Variants in PLAC8 observed in about 807,000 individuals in gnomAD.
The protein encoded by PLAC8 is placenta-specific gene 8 protein.
In PLAC8, 6 loss-of-function variants were observed where a neutral mutation model predicts 12.6. The ratio of observed to expected loss-of-function variants is 0.48; its 90% CI spans 0.26 to 0.94. The LOEUF (loss-of-function observed/expected upper bound fraction) is 0.94, where lower values mean the gene tolerates loss of function less well. Ranked by LOEUF, PLAC8 falls within the 40% of genes least tolerant of loss-of-function variation. PLAC8 has a pLI of 0.14. For missense variants in PLAC8, 122 were observed against 152.7 expected (o/e 0.80, Z 1.06); for synonymous variants, 54 against 52.6 (o/e 1.03, Z -0.11).
At chr4:83,100,320 T>G (rs544134190) in intron 3 of PLAC8, among the ~76,000 whole-genome samples, 1 of 151,842 alleles carries the variant, frequency 6.6e-6, no homozygotes, top group East Asian at 1.9e-4. Flanking sequence ...CTGTCTCCCT[T>G]CCTCCTGCTC....
At chr4:83,106,825 C>T (rs140911636) in intron 2 of PLAC8, among the ~76,000 whole-genome samples, 9 of 152,306 alleles carry the variant, frequency 5.9e-5, no homozygotes, top group East Asian at 5.8e-4. Flanking sequence ...CTCGCTGCAA[C>T]GCCCATCACA....
At position 83,105,010 on chromosome 4, in the gene PLAC8, G is replaced by T; in HGVS notation, c.129C>A (p.Gly43=). ...CFSDCGVCLC[G]TFCFPCLGCQ... is the part of the protein sequence containing the mutation. ...ACCCAAGGCACGGGAAACAAAATGT[G>T]CCACAGAGACCTAGACACATGAAAC... The change falls in exon 3 of 5, where the codon GGC becomes GGA. Residue 43 remains glycine (G), a synonymous_variant. Coordinates refer to ENST00000311507, the MANE Select transcript of PLAC8 (RefSeq NM_016619.3). 1 of 1,614,046 alleles carries T rather than the reference G, an allele frequency of 6.2e-7. No homozygotes were observed. The highest frequency in any genetic ancestry group is 1.3e-5 in the African/African-American group (1 of 75,008).
rs375440380 is a variant in PLAC8, at chr4:83,107,828, C to G, written c.94G>C (p.Asp32His). 6.8e-6 allele frequency: 11 copies of G among 1,607,758 alleles called. No individual in the cohort carries two copies. The highest frequency in any genetic ancestry group is 2.2e-5 in the South Asian group (2 of 90,820). ...QNSNWQTGMC[D>H]CFSDCGVCLC... ...CAGACTCCGCAGTCGCTGAAACAGT[C>G]ACACATGCCTGTCTGCCAGTTGGAG... Residue 32 changes from aspartate to histidine, a missense_variant, in exon 2 of 5, where the codon GAC becomes CAC. By Grantham distance (81) the Asp-to-His change is moderately conservative. Coordinates refer to ENST00000311507, the MANE Select transcript of PLAC8 (RefSeq NM_016619.3).
intron 1 of PLAC8, among the ~76,000 whole-genome samples, chr4:83,112,553 C>A (rs972573556): frequency 6.6e-6 from 1 of 152,136 alleles, no homozygotes. Flanking sequence ...CTTATCCCTG[C>A]GTAGAAGAGT....
At chr4:83,110,623 G>C (rs1328508544) in intron 1 of PLAC8, among the ~76,000 whole-genome samples, 1 of 152,338 alleles carries the variant, frequency 6.6e-6, no homozygotes, top group Admixed American at 6.5e-5. Context: ...GAGGCCATGC[G>C]TGATGCAGGC....
At chr4:83,093,237 C>T (rs1334588713) in intron 4 of PLAC8, 1 of 152,338 alleles carries the variant, frequency 6.6e-6, no homozygotes, top group Non-Finnish European at 1.5e-5. Flanking sequence ...CTGCCCTCTG[C>T]CTTTCTGGTG....
chr4:83,100,514 T>G (rs1221464707), intron 3 of PLAC8, among the ~76,000 whole-genome samples: 1 of 63,686 alleles, frequency 1.6e-5, no homozygotes, highest in Non-Finnish European at 3.2e-5. Context: ...CGAGAACCTT[T>G]TCTTTATAAG....
chr4:83,097,162 A>G (rs577186095), intron 3 of PLAC8, among the ~76,000 whole-genome samples: 1 of 152,212 alleles, frequency 6.6e-6, no homozygotes, highest in African/African-American at 2.4e-5. Context: ...CGGTCATCCA[A>G]TTAAGAAATT....
At chr4:83,114,082 T>G (rs1007752668) in intron 1 of PLAC8, among the ~76,000 whole-genome samples, 1 of 151,918 alleles carries the variant, frequency 6.6e-6, no homozygotes, top group African/African-American at 2.4e-5. Flanking sequence ...ATTTTTTTGC[T>G]TTGATTGAAA....
chr4:83,098,429 G>A (rs1731998893), intron 3 of PLAC8, among the ~76,000 whole-genome samples: 3 of 152,066 alleles, frequency 2.0e-5, no homozygotes, highest in African/African-American at 2.4e-5. Context: ...ATTATAAAGC[G>A]TTCTAAAAAG....
At chr4:83,102,197 C>A (rs1462759861) in intron 3 of PLAC8, among the ~76,000 whole-genome samples, 1 of 151,760 alleles carries the variant, frequency 6.6e-6, no homozygotes, top group African/African-American at 2.4e-5. Context: ...AATTGAAAAT[C>A]TTGTGGAAAT....
rs111565207 is a variant in PLAC8 at position 83,094,990 on chromosome 4, G to A, written c.244-199C>T. On this transcript the variant is annotated intron_variant, in intron 3 of 4. Transcript: ENST00000311507. ...CGGAAAATATTTTTCTATACTTTAC[G>A]TTTCTGAAAATGTAAGGAGATGTCC... Among the ~76,000 whole-genome samples, 1,346 of 152,138 alleles carry A rather than the reference G, an allele frequency of 8.8e-3. 24 individuals carry two copies. Among genetic ancestry groups the A allele is most frequent in the African/African-American group, 0.03 (1,259 of 41,516 alleles).
rs1023038175 is a variant in PLAC8, at chr4:83,090,593, G to T, written c.*388C>A. 2.1e-4 allele frequency: 28 copies of T among 135,888 alleles called. No individual in the cohort carries two copies. Among genetic ancestry groups the T allele is most frequent in the African/African-American group, 7.3e-4 (27 of 36,742 alleles). 8.4% of individuals were successfully genotyped at this position (135,888 alleles called of 1,614,324 possible). A position where few individuals can be genotyped will look rare whatever the true frequency, so the allele number is the denominator to read the frequency against. On this transcript the variant is annotated 3_prime_UTR_variant, in exon 5 of 5. Transcript: ENST00000311507. ...TATTAAAAAAAAAAAAAAAGAAAAA[G>T]GAAATCAAAGTATAAGAACAAAATT... is the stretch of plus-strand genomic sequence containing the variant.
intron 1 of PLAC8, among the ~76,000 whole-genome samples, chr4:83,112,212 ATATATG>A (rs940328844): frequency 0.11 from 654 of 5,824 alleles, 16 homozygotes; most frequent in African/African-American, 0.15. Flanking sequence ...ATGTATATAT[ATATATG>A]TATATATATA....
chr4:83,104,874 G>A (rs1212887079), intron 3 of PLAC8, 22 bp downstream of exon 3: 3 of 1,612,336 alleles, frequency 1.9e-6, no homozygotes, highest in East Asian at 4.5e-5. Flanking sequence ...ATTTGAGTGA[G>A]ATGGTATGGT....
At chr4:83,099,377 C>T (rs1578737767) in intron 3 of PLAC8, among the ~76,000 whole-genome samples, 1 of 151,976 alleles carries the variant, frequency 6.6e-6, no homozygotes, top group Admixed American at 6.6e-5. Flanking sequence ...TTTCCAATAG[C>T]GTGTGCTCAC....
chr4:83,114,130 A>G (rs770966096), intron 1 of PLAC8, among the ~76,000 whole-genome samples: 16 of 152,152 alleles, frequency 1.1e-4, no homozygotes, highest in Non-Finnish European at 2.1e-4. Context: ...CTCTTTATAC[A>G]TATAAATGAA....
chr4:83,100,017 C>CA (rs1165382353), intron 3 of PLAC8, among the ~76,000 whole-genome samples: 1 of 117,734 alleles, frequency 8.5e-6, no homozygotes, highest in African/African-American at 3.2e-5. Context: ...AAAAAAAAAA[C>CA]AAAAAACTGC....
Position 83,094,724 on chromosome 4 carries a change from C to T in PLAC8, c.311G>A (p.Arg104Lys), listed in dbSNP as rs1344199033. The change falls in exon 4 of 5, where the codon AGA (arginine) becomes AAA (lysine). Residue 104 changes from arginine to lysine, a missense_variant. By Grantham distance (26) the Arg-to-Lys change is conservative. Coordinates refer to ENST00000311507, the MANE Select transcript of PLAC8 (RefSeq NM_016619.3). The part of the protein sequence containing the change: ...CPHCTLCQIK[R>K]DINRRRAMRT... Reference sequence around the variant, plus strand: ...CATGGCTCTCCTTCTGTTGATATCTCTCTTGATTTGGCAAAGAGTACAATG... The same window carrying T: ...CATGGCTCTCCTTCTGTTGATATCTTTCTTGATTTGGCAAAGAGTACAATG... 6 of 1,606,032 alleles carry T rather than the reference C, an allele frequency of 3.7e-6. No homozygotes were observed. The highest frequency in any genetic ancestry group is 5.1e-6 in the Non-Finnish European group (6 of 1,177,778).
Sources: allele counts gnomAD v4.1 joint callset (sites outside exome capture counted in the v4.1 genomes callset), GRCh38; gene constraint gnomAD v4.1.1; transcripts MANE v1.5; gene names NCBI Gene and HGNC (gene_info 2026-07-23, HGNC 2026-07-21).